The following ARMH3 variants were observed in gnomAD, a reference collection of about 807,000 sequenced individuals.
The protein encoded by ARMH3 is armadillo like helical domain containing 3.
ARMH3 carries 60 observed loss-of-function variants against 99.1 expected under a neutral mutation model. That is an observed-to-expected ratio of 0.61 (90% CI 0.49 to 0.75). The LOEUF (loss-of-function observed/expected upper bound fraction) is 0.75, where lower values mean the gene tolerates loss of function less well. Ranked by LOEUF, ARMH3 falls within the 30% of genes least tolerant of loss-of-function variation. The pLI is 0.00. For missense variants in ARMH3, 679 were observed against 843.1 expected (o/e 0.81, Z 2.41); for synonymous variants, 285 against 292.8 (o/e 0.97, Z 0.27).
At chr10:101,860,297 G>T (rs2066836617) in intron 24 of ARMH3, among the ~76,000 whole-genome samples, 1 of 152,014 alleles carries the variant, frequency 6.6e-6, no homozygotes. Flanking sequence ...ATAAGGGAAG[G>T]TTCTCTGAAA....
intron 19 of ARMH3, among the ~76,000 whole-genome samples, chr10:101,978,613 C>A (rs971646626): frequency 6.6e-6 from 1 of 151,956 alleles, no homozygotes; most frequent in Non-Finnish European, 1.5e-5. Flanking sequence ...GCCTGGGGAA[C>A]AAAGCAGAAT....
At chr10:102,035,637 C>T (rs539393533) in intron 2 of ARMH3, among the ~76,000 whole-genome samples, 1 of 152,372 alleles carries the variant, frequency 6.6e-6, no homozygotes, top group East Asian at 1.9e-4. Flanking sequence ...AGCTCCTAAC[C>T]GCGAGTGATC....
intron 20 of ARMH3, among the ~76,000 whole-genome samples, chr10:101,966,199 G>A (rs372216141): frequency 6.1e-5 from 9 of 148,208 alleles, no homozygotes; most frequent in South Asian, 2.2e-4. Flanking sequence ...TCCACCTCCC[G>A]GGTTCAAGCG....
intron 24 of ARMH3, among the ~76,000 whole-genome samples, chr10:101,863,691 G>A (rs1260099981): frequency 5.3e-5 from 8 of 152,032 alleles, no homozygotes; most frequent in Non-Finnish European, 8.8e-5. Flanking sequence ...TTGGAAGGCC[G>A]AGGTGAGAGG....
chr10:101,920,441 T>TG (rs1381529560), intron 23 of ARMH3, among the ~76,000 whole-genome samples: 17 of 152,082 alleles, frequency 1.1e-4, no homozygotes, highest in African/African-American at 3.1e-4. Flanking sequence ...AGAAATAAGA[T>TG]GAAGAATGGC....
At position 101,939,959 on chromosome 10, in the gene ARMH3, C is replaced by T. The variant is rs75843781; in HGVS notation, c.1706-21G>A. The T allele has an allele frequency of 4.1e-5, 66 of 1,608,536 alleles. No individual in the cohort carries two copies. The East Asian group carries it at 1.2e-3, about 30-fold the overall frequency. On this transcript the variant is annotated intron_variant, in intron 22 of 25. Coordinates refer to ENST00000370033, the MANE Select transcript of ARMH3 (RefSeq NM_024541.3). ...CAGGACTGCAAAGAAGGAAAGAACA[C>T]AGATCTGTCAAACCCCCGGCATAAA...
At chr10:101,915,409 T>C (rs1333640937) in intron 23 of ARMH3, among the ~76,000 whole-genome samples, 2 of 152,164 alleles carry the variant, frequency 1.3e-5, no homozygotes, top group East Asian at 3.9e-4. Flanking sequence ...GTGAGCACAC[T>C]AAGTTGCAGC....
chr10:101,991,745 G>T (rs1345030193), intron 18 of ARMH3, among the ~76,000 whole-genome samples: 1 of 152,104 alleles, frequency 6.6e-6, no homozygotes, highest in East Asian at 1.9e-4. Context: ...TTGTCTCACT[G>T]GAATGACTTT....
At position 101,990,422 on chromosome 10, in the gene ARMH3, C is replaced by T. The variant is rs1278458578; in HGVS notation, c.1406+129G>A. On this transcript the variant is annotated intron_variant, in intron 19 of 25. Transcript: ENST00000370033. ...TCCTGACCTTGTGATCCGCCCGCCT[C>T]GGCCTCCCAAGGTGCTGGTATTACA... 9.8e-6 allele frequency: 6 copies of T among 611,838 alleles called. No homozygotes were observed. In the South Asian group the frequency reaches 1.2e-4, roughly 12 times the overall value. 37.9% of individuals were successfully genotyped at this position (611,838 alleles called of 1,614,324 possible). A position where few individuals can be genotyped will look rare whatever the true frequency, so the allele number is the denominator to read the frequency against.
chr10:101,877,301 T>A (rs755360864), intron 24 of ARMH3, among the ~76,000 whole-genome samples: 1 of 152,030 alleles, frequency 6.6e-6, no homozygotes. Flanking sequence ...AGATTAAGGC[T>A]GCAGTGAGCC....
At chr10:101,907,145 A>T (rs185995985) in intron 23 of ARMH3, among the ~76,000 whole-genome samples, 41 of 152,320 alleles carry the variant, frequency 2.7e-4, no homozygotes, top group Admixed American at 1.2e-3. Context: ...ATCCTGTTTG[A>T]CAAAGGTAAC....
chr10:102,045,595 A>C (rs80042724), intron 1 of ARMH3, among the ~76,000 whole-genome samples: 1,779 of 152,312 alleles, frequency 0.012, 25 homozygotes, highest in African/African-American at 0.041. Flanking sequence ...ACAGAGCATA[A>C]ACATTCCTTT....
At chr10:101,911,790 A>G (rs998041802) in intron 23 of ARMH3, among the ~76,000 whole-genome samples, 9 of 152,172 alleles carry the variant, frequency 5.9e-5, no homozygotes, top group African/African-American at 1.7e-4. Context: ...TAATCCCAGC[A>G]CTCTGGGAGG....
intron 22 of ARMH3, among the ~76,000 whole-genome samples, chr10:101,942,926 A>G (rs1004420676): frequency 1.3e-5 from 2 of 152,010 alleles, no homozygotes; most frequent in Non-Finnish European, 2.9e-5. Context: ...TTACCCTCCT[A>G]CCTTAAACAA....
intron 24 of ARMH3, among the ~76,000 whole-genome samples, chr10:101,860,183 T>C (rs1256718622): frequency 6.6e-6 from 1 of 152,126 alleles, no homozygotes; most frequent in African/African-American, 2.4e-5. Context: ...GAGACTTCCC[T>C]CTGTAGTAAC....
intron 23 of ARMH3, among the ~76,000 whole-genome samples, chr10:101,892,607 C>T (rs1337296603): frequency 6.6e-6 from 1 of 151,478 alleles, no homozygotes; most frequent in Non-Finnish European, 1.5e-5. Context: ...AAAGTATAAA[C>T]CAAAAACTTA....
At chr10:101,853,910 C>G (rs1028695664) in intron 24 of ARMH3, among the ~76,000 whole-genome samples, 1 of 152,192 alleles carries the variant, frequency 6.6e-6, no homozygotes, top group African/African-American at 2.4e-5. Flanking sequence ...GTTAAGAGTT[C>G]GAGACCAGCC....
chr10:102,031,620 T>C (rs2136202675), intron 4 of ARMH3, among the ~76,000 whole-genome samples: 1 of 152,372 alleles, frequency 6.6e-6, no homozygotes, highest in East Asian at 1.9e-4. Flanking sequence ...TAATTATTAT[T>C]GCCATTCTAC....
rs764647399 is a variant in ARMH3, at chr10:102,011,757, T to C, written c.797A>G (p.His266Arg). ...NRQYKDKEEE[H>R]QSGFFSALTN... ...TAAAGCAGAGAAAAAACCACTTTGGTGTTCTTCTTCCTTGTCTTTATACTG... is the reference window on the plus strand; with the variant it reads ...TAAAGCAGAGAAAAAACCACTTTGGCGTTCTTCTTCCTTGTCTTTATACTG... The change falls in exon 11 of 26, where the codon CAC becomes CGC. Residue 266 changes from histidine (H) to arginine (R), a missense_variant. By Grantham distance (29) the His-to-Arg change is conservative (BLOSUM62 0). Transcript: ENST00000370033. 1 of 1,610,926 alleles carries C rather than the reference T, an allele frequency of 6.2e-7. No individual in the cohort carries two copies.
Sources: gnomAD v4.1 joint callset for allele counts (sites outside exome capture counted in the v4.1 genomes callset) on GRCh38, gnomAD v4.1.1 for gene constraint, MANE v1.5 for transcripts, NCBI Gene and HGNC (gene_info 2026-07-23, HGNC 2026-07-21) for gene names.